Variants in AGBL4 observed in about 807,000 individuals in gnomAD.
AGBL4 encodes the protein cytosolic carboxypeptidase 6.
AGBL4 carries 58 observed loss-of-function variants against 66.4 expected under a neutral mutation model. The ratio of observed to expected loss-of-function variants is 0.87; its 90% CI spans 0.71 to 1.09. The LOEUF is 1.09. AGBL4 is among the 50% of genes least tolerant of loss of function. The probability of loss-of-function intolerance (pLI) is 0.00; values close to 1 mark genes in which losing one functional copy is unlikely to be tolerated. For synonymous variants in AGBL4, 234 were observed against 222.9 expected (o/e 1.05, Z -0.44); for missense variants, 579 against 631.0 (o/e 0.92, Z 0.88).
At chr1:48,748,224 T>TC (rs1651072400) in intron 6 of AGBL4, among the ~76,000 whole-genome samples, 1 of 152,098 alleles carries the variant, frequency 6.6e-6, no homozygotes. Flanking sequence ...GGTAGGAGGA[T>TC]CCCCCTCTGT....
intron 5 of AGBL4, among the ~76,000 whole-genome samples, chr1:48,904,810 A>G (rs1387912540): frequency 1.3e-5 from 2 of 152,250 alleles, no homozygotes; most frequent in Non-Finnish European, 2.9e-5. Context: ...AAGAAGAAAC[A>G]TGTAATTACC....
intron 1 of AGBL4, among the ~76,000 whole-genome samples, chr1:49,914,183 G>A (rs1039081516): frequency 2.0e-5 from 3 of 152,092 alleles, no homozygotes; most frequent in Non-Finnish European, 4.4e-5. Flanking sequence ...CTTCCCTTTT[G>A]ATTATAAATT....
chr1:50,009,940 CA>C (rs1661408739), intron 1 of AGBL4, among the ~76,000 whole-genome samples: 1 of 151,902 alleles, frequency 6.6e-6, no homozygotes, highest in Non-Finnish European at 1.5e-5. Flanking sequence ...TTAACTTAAC[CA>C]AAGAAGTGAA....
At chr1:48,783,991 G>A (rs1645355572) in intron 6 of AGBL4, among the ~76,000 whole-genome samples, 1 of 152,146 alleles carries the variant, frequency 6.6e-6, no homozygotes, top group African/African-American at 2.4e-5. Context: ...TCTGAAAAAT[G>A]ACATGCCAAT....
chr1:48,718,751 C>T (rs1647094239), intron 6 of AGBL4, among the ~76,000 whole-genome samples: 1 of 152,092 alleles, frequency 6.6e-6, no homozygotes, highest in South Asian at 2.1e-4. Context: ...GAGTAGGGAC[C>T]TTTGCACACA....
chr1:49,408,057 T>G (rs1645241616), intron 3 of AGBL4, among the ~76,000 whole-genome samples: 1 of 152,198 alleles, frequency 6.6e-6, no homozygotes, highest in Non-Finnish European at 1.5e-5. Context: ...TATTTTTCGC[T>G]TATCAGACTC....
At chr1:49,998,350 T>C (rs1408804414) in intron 1 of AGBL4, among the ~76,000 whole-genome samples, 1 of 152,042 alleles carries the variant, frequency 6.6e-6, no homozygotes, top group Non-Finnish European at 1.5e-5. Context: ...GATGGATAAA[T>C]TCCTAGAAAT....
chr1:49,388,605 T>G (rs961051909), intron 3 of AGBL4, among the ~76,000 whole-genome samples: 1 of 152,180 alleles, frequency 6.6e-6, no homozygotes, highest in South Asian at 2.1e-4. Flanking sequence ...TGATTCTTGA[T>G]TAAATATGCT....
At chr1:49,024,281 A>C (rs1282329646) in intron 5 of AGBL4, among the ~76,000 whole-genome samples, 1 of 152,148 alleles carries the variant, frequency 6.6e-6, no homozygotes, top group African/African-American at 2.4e-5. Flanking sequence ...CCAATCCTGA[A>C]CATGACAGGG....
intron 2 of AGBL4, among the ~76,000 whole-genome samples, chr1:49,740,241 G>T (rs576395298): frequency 1.3e-5 from 2 of 152,058 alleles, no homozygotes; most frequent in African/African-American, 2.4e-5. Flanking sequence ...AAAGGCAGGG[G>T]TTGCAATCCT....
intron 4 of AGBL4, among the ~76,000 whole-genome samples, chr1:49,048,587 G>A (rs777986901): frequency 8.6e-5 from 13 of 152,008 alleles, no homozygotes; most frequent in Non-Finnish European, 1.5e-4. Context: ...AGACTTTCAA[G>A]TAATGCAAAG....
intron 6 of AGBL4, among the ~76,000 whole-genome samples, chr1:48,764,654 G>A (rs560183964): frequency 1.3e-5 from 2 of 152,192 alleles, no homozygotes; most frequent in African/African-American, 4.8e-5. Flanking sequence ...TAAACTAGGC[G>A]TCAGACAACC....
intron 1 of AGBL4, among the ~76,000 whole-genome samples, chr1:50,014,504 A>G (rs931024418): frequency 2.4e-4 from 36 of 151,860 alleles, no homozygotes; most frequent in African/African-American, 8.5e-4. Context: ...CAGTTTCCTA[A>G]ATAGACCTCA....
intron 6 of AGBL4, among the ~76,000 whole-genome samples, chr1:48,801,944 T>C (rs1645820034): frequency 6.6e-6 from 1 of 151,526 alleles, no homozygotes; most frequent in Admixed American, 6.6e-5. Flanking sequence ...AACATCAAAC[T>C]AAAGACATCC....
intron 2 of AGBL4, among the ~76,000 whole-genome samples, chr1:49,771,911 G>T (rs545724057): frequency 1.3e-5 from 2 of 151,992 alleles, no homozygotes; most frequent in East Asian, 3.9e-4. Context: ...GTTGGATCTT[G>T]CTTTTTTATC....
At chr1:49,917,320 T>A (rs1016154849) in intron 1 of AGBL4, among the ~76,000 whole-genome samples, 1 of 151,916 alleles carries the variant, frequency 6.6e-6, no homozygotes, top group African/African-American at 2.4e-5. Context: ...GATCCATCAG[T>A]GTGCTGTATT....
intron 1 of AGBL4, among the ~76,000 whole-genome samples, chr1:49,967,380 G>A (rs1657652880): frequency 6.6e-6 from 1 of 152,100 alleles, no homozygotes; most frequent in Admixed American, 6.6e-5. Context: ...GGATGAAGCT[G>A]GAAACCATCA....
chr1:49,948,118 GTAAATATATA>G (rs1324543032), intron 1 of AGBL4, among the ~76,000 whole-genome samples: 42 of 76,366 alleles, frequency 5.5e-4, no homozygotes, highest in African/African-American at 1.8e-3. Context: ...GTAAATGTAT[GTAAATATATA>G]TAAATATATG....
At chr1:48,790,820 C>T (rs1417075433) in intron 6 of AGBL4, among the ~76,000 whole-genome samples, 1 of 152,170 alleles carries the variant, frequency 6.6e-6, no homozygotes, top group African/African-American at 2.4e-5. Context: ...GGCGCAGTGG[C>T]ACAAGCCTGT....
Sources: allele counts gnomAD v4.1 joint callset (sites outside exome capture counted in the v4.1 genomes callset), GRCh38; gene constraint gnomAD v4.1.1; transcripts MANE v1.5; gene names NCBI Gene and HGNC (gene_info 2026-07-23, HGNC 2026-07-21).